The following ANXA6 variants were observed in gnomAD, a reference collection of about 807,000 sequenced individuals.
The protein encoded by ANXA6 is annexin A6.
In ANXA6, 71 loss-of-function variants were observed where a neutral mutation model predicts 95.4. The observed-to-expected ratio is 0.74, with a 90% CI of 0.61 to 0.91. ANXA6 has a LOEUF of 0.91. Among genes scored for constraint, ANXA6 ranks in the 40% least tolerant of loss-of-function variants. The probability of loss-of-function intolerance (pLI) is 0.00; values close to 1 mark genes in which losing one functional copy is unlikely to be tolerated. For missense variants in ANXA6, 830 were observed against 876.4 expected, an observed-to-expected ratio of 0.95 and a Z score of 0.67; for synonymous variants, 289 against 315.9, an observed-to-expected ratio of 0.91 and a Z score of 0.90.
intron 9 of ANXA6, 44 bp from the exon 10 acceptor site, chr5:151,132,615 A>T (rs1364495469): frequency 6.6e-7 from 1 of 1,521,386 alleles, no homozygotes; most frequent in African/African-American, 1.4e-5. Flanking sequence ...GTGCCTCTGT[A>T]CCCCCGAGAA....
chr5:151,142,143 CA>C (rs1240038570), intron 2 of ANXA6, among the ~76,000 whole-genome samples: 2 of 152,154 alleles, frequency 1.3e-5, no homozygotes, highest in South Asian at 2.1e-4. Flanking sequence ...CCAGCGATAT[CA>C]AAAAAGCACA....
chr5:151,102,037 G>A (rs887867418), intron 25 of ANXA6, among the ~76,000 whole-genome samples: 3 of 152,180 alleles, frequency 2.0e-5, no homozygotes, highest in African/African-American at 7.2e-5. Flanking sequence ...AGTGCTAACT[G>A]CCAAGCCATT....
chr5:151,139,272 G>A, intron 4 of ANXA6, 81 bp downstream of exon 4: 1 of 1,060,534 alleles, frequency 9.4e-7, no homozygotes, highest in Non-Finnish European at 1.4e-6. Context: ...CCATATCCAG[G>A]AAATAACCTG....
At chr5:151,149,999 G>C (rs1241406568) in intron 1 of ANXA6, among the ~76,000 whole-genome samples, 1 of 151,854 alleles carries the variant, frequency 6.6e-6, no homozygotes, top group Non-Finnish European at 1.5e-5. Flanking sequence ...TGTGCCTGTA[G>C]TCCCAGCTAG....
intron 20 of ANXA6, among the ~76,000 whole-genome samples, chr5:151,115,785 T>C (rs562109366): frequency 4.6e-5 from 7 of 152,360 alleles, no homozygotes; most frequent in Middle Eastern, 3.4e-3. Context: ...AATGTAACCC[T>C]GCAGCTTTTG....
chr5:151,113,784 C>T (rs774547888), intron 20 of ANXA6, among the ~76,000 whole-genome samples: 6 of 152,164 alleles, frequency 3.9e-5, no homozygotes, highest in Non-Finnish European at 7.3e-5. Context: ...GCAATTCTAT[C>T]TAAGAGAAAT....
intron 1 of ANXA6, among the ~76,000 whole-genome samples, chr5:151,152,794 G>T (rs1317784606): frequency 6.6e-6 from 1 of 152,166 alleles, no homozygotes; most frequent in Non-Finnish European, 1.5e-5. Context: ...GGATTCAATG[G>T]AATGGAGGCA....
chr5:151,126,242 C>A (rs1765311356), intron 14 of ANXA6, among the ~76,000 whole-genome samples, 160 bp downstream of exon 14: 1 of 152,176 alleles, frequency 6.6e-6, no homozygotes, highest in Non-Finnish European at 1.5e-5. Context: ...CGCCCCTCCA[C>A]CAGTTCACCA....
intron 1 of ANXA6, among the ~76,000 whole-genome samples, chr5:151,149,548 G>A (rs1398219314): frequency 6.6e-5 from 10 of 151,954 alleles, no homozygotes; most frequent in Admixed American, 6.5e-4. Context: ...GTGCAGTGGC[G>A]CAATCTCAGC....
Position 151,128,180 on chromosome 5 carries a change from C to T in ANXA6, c.977+1G>A, listed in dbSNP as rs757759679. 1 of 1,611,870 alleles carries T rather than the reference C, an allele frequency of 6.2e-7. No homozygotes were observed. Among genetic ancestry groups the T allele is most frequent in the African/African-American group, 1.3e-5 (1 of 74,890 alleles). On this transcript the variant is annotated splice_donor_variant, in intron 13 of 25. Transcript: ENST00000354546. LOFTEE classifies it high-confidence loss of function. The stretch of plus-strand genomic sequence containing the variant: ...CAGCCAGGGGCCAAGAAGCCACTTA[C>T]TCATCATCTCCCCCAGACAGCTTCA...
rs73276319 is a variant in ANXA6, at chr5:151,150,296, C to T, written c.-25-2370G>A. On this transcript the variant is annotated intron_variant, in intron 1 of 25. Transcript: ENST00000354546. ...AAAATCTTAGCCATGTGACCGTGGG[C>T]TTATTGCTCATTTTTGAGTTCAAGG... Among the ~76,000 whole-genome samples, 264 of 152,230 alleles carry T rather than the reference C, an allele frequency of 1.7e-3. 2 individuals carry two copies. The highest frequency in any genetic ancestry group is 5.7e-3 in the African/African-American group (238 of 41,542).
chr5:151,119,838 A>AT (rs1464662512), intron 17 of ANXA6, among the ~76,000 whole-genome samples: 2 of 152,100 alleles, frequency 1.3e-5, no homozygotes, highest in African/African-American at 4.8e-5. Flanking sequence ...AACATGTATT[A>AT]TTTTGTTAGA....
intron 11 of ANXA6, among the ~76,000 whole-genome samples, chr5:151,129,850 A>G (rs1765445418): frequency 6.6e-6 from 1 of 152,108 alleles, no homozygotes; most frequent in Admixed American, 6.6e-5. Flanking sequence ...AGCTGGGAGT[A>G]CAGGTACCCA....
rs566980237 is a variant in ANXA6 at position 151,127,335 on chromosome 5, C to T, written c.977+846G>A. 1.4e-4 allele frequency among the ~76,000 whole-genome samples: 22 copies of T among 152,336 alleles called. No individual in the cohort carries two copies. In the East Asian group the frequency reaches 3.3e-3, roughly 23 times the overall value. Reference sequence around the variant, plus strand: ...AAGATCCAGAGAAAGGAAATCAGAGCGCAGCCTGTTCCCTTTCTCAAACAC... The same window carrying T: ...AAGATCCAGAGAAAGGAAATCAGAGTGCAGCCTGTTCCCTTTCTCAAACAC... On this transcript the variant is annotated intron_variant, in intron 13 of 25. Transcript: ENST00000354546.
Position 151,101,462 on chromosome 5 carries a change from C to A in ANXA6, c.2008G>T (p.Gly670Cys). ...DFLKALLALC[G>C]GED ...AAGCTGTGGCCCTAGTCCTCACCAC[C>A]ACAGAGAGCCAGCAAGGCCTTCAGG... The change falls in exon 26 of 26, where the codon GGT becomes TGT. Residue 670 changes from glycine (G) to cysteine (C), a missense_variant. Physicochemically the swap from Gly to Cys is radical, Grantham distance 159. Transcript: ENST00000354546. 1 of 1,560,182 alleles carries A rather than the reference C, an allele frequency of 6.4e-7. No individual in the cohort carries two copies. The highest frequency in any genetic ancestry group is 1.2e-5 in the South Asian group (1 of 84,456).
chr5:151,126,127 C>T (rs1243390098), intron 14 of ANXA6, among the ~76,000 whole-genome samples: 1 of 152,190 alleles, frequency 6.6e-6, no homozygotes, highest in African/African-American at 2.4e-5. Flanking sequence ...CCAGACGGGA[C>T]AGGCCCCTCC....
chr5:151,130,657 G>A (rs1765485911), intron 11 of ANXA6, among the ~76,000 whole-genome samples: 2 of 152,230 alleles, frequency 1.3e-5, no homozygotes, highest in Admixed American at 1.3e-4. Flanking sequence ...GGCAGAGAAT[G>A]GCCGACAGTC....
chr5:151,139,526 A>G (rs1765768719), intron 3 of ANXA6, 79 bp from the exon 4 acceptor site: 1 of 962,772 alleles, frequency 1.0e-6, no homozygotes, highest in South Asian at 1.4e-5. Context: ...TTCCCTGGAC[A>G]CAGGCCTAGT....
intron 20 of ANXA6, among the ~76,000 whole-genome samples, chr5:151,112,986 G>C (rs1424118377): frequency 6.6e-6 from 1 of 152,188 alleles, no homozygotes; most frequent in Non-Finnish European, 1.5e-5. Flanking sequence ...AGGGAGAATG[G>C]GGAGTGACTG....
Sources: allele counts gnomAD v4.1 joint callset (sites outside exome capture counted in the v4.1 genomes callset), GRCh38; gene constraint gnomAD v4.1.1; transcripts MANE v1.5; gene names NCBI Gene and HGNC (gene_info 2026-07-23, HGNC 2026-07-21).